The following LYVE1 variants were observed in gnomAD, a reference collection of about 807,000 sequenced individuals.
LYVE1 encodes the protein lymphatic vessel endothelial hyaluronic acid receptor 1.
Under a neutral mutation model 31.5 loss-of-function variants are expected in LYVE1, and 29 were observed. The observed-to-expected ratio is 0.92, with a 90% CI of 0.69 to 1.26. The LOEUF is 1.26. Among genes scored for constraint, LYVE1 ranks in the 50% most tolerant of loss-of-function variants. The probability of loss-of-function intolerance (pLI) is 0.00; values close to 1 mark genes in which losing one functional copy is unlikely to be tolerated. For missense variants in LYVE1, 376 were observed against 380.2 expected, an observed-to-expected ratio of 0.99 and a Z score of 0.09; for synonymous variants, 134 against 139.4, an observed-to-expected ratio of 0.96 and a Z score of 0.27.
intron 3 of LYVE1, among the ~76,000 whole-genome samples, chr11:10,563,438 T>C (rs1850472158): frequency 6.6e-6 from 1 of 152,136 alleles, no homozygotes; most frequent in Non-Finnish European, 1.5e-5. Context: ...CTACATTGTA[T>C]TAGGTATTAT....
At chr11:10,564,445 G>A (rs1267058877) in intron 1 of LYVE1, 71 bp from the exon 2 acceptor site, 2 of 1,446,442 alleles carry the variant, frequency 1.4e-6, no homozygotes, top group Non-Finnish European at 1.9e-6. Flanking sequence ...CTCCTTCCCA[G>A]CAGAGTATAT....
intron 3 of LYVE1, among the ~76,000 whole-genome samples, chr11:10,562,116 G>GT: frequency 6.6e-6 from 1 of 152,202 alleles, no homozygotes; most frequent in East Asian, 1.9e-4. Flanking sequence ...AGAGGGCTGG[G>GT]TATCATCACA....
chr11:10,567,039 A>G (rs1850557268), intron 1 of LYVE1, among the ~76,000 whole-genome samples: 1 of 152,216 alleles, frequency 6.6e-6, no homozygotes, highest in South Asian at 2.1e-4. Context: ...AGGATGTGGA[A>G]TCAGATAATA....
intron 1 of LYVE1, 53 bp downstream of exon 1, chr11:10,568,395 G>A (rs773644435): frequency 6.4e-7 from 1 of 1,573,056 alleles, no homozygotes; most frequent in South Asian, 1.1e-5. Context: ...AACAGCTTAG[G>A]AGGCTTAGGA....
Position 10,560,607 on chromosome 11 carries a change from T to C in LYVE1, c.591A>G (p.Lys197=). The change falls in exon 4 of 6, where the codon AAA becomes AAG. Residue 197 remains lysine (K), a synonymous_variant. Transcript: ENST00000256178. ...AAACTTCTGTGACACAAATCAATTTTTTTCTCCGTGGAATAGAAGTGGAAG... is the reference window on the plus strand; with the variant it reads ...AAACTTCTGTGACACAAATCAATTTCTTTCTCCGTGGAATAGAAGTGGAAG... ...APASTSIPRR[K]KLICVTEVFM... 6.2e-7 allele frequency: 1 copy of C among 1,614,168 alleles called. No homozygotes were observed. The highest frequency in any genetic ancestry group is 8.5e-7 in the Non-Finnish European group (1 of 1,180,012).
At position 10,558,949 on chromosome 11, in the gene LYVE1, G is replaced by T. The variant is rs1591511993; in HGVS notation, c.*162C>A. 6.3e-6 allele frequency: 4 copies of T among 636,194 alleles called. No individual in the cohort carries two copies. The East Asian group carries it at 1.0e-4, about 17-fold the overall frequency. 39.4% of individuals were successfully genotyped at this position (636,194 alleles called of 1,614,324 possible). On this transcript the variant is annotated 3_prime_UTR_variant, in exon 6 of 6. Transcript: ENST00000256178. ...AATAAGGAGAAGGGCATTCTCTTTG[G>T]TGCACTCCATAGTCCAATGGCAGTC... is the stretch of plus-strand genomic sequence containing the variant.
chr11:10,568,465 C>T lies in LYVE1; in HGVS notation c.68G>A (p.Gly23Asp), dbSNP rs370756319. ...SIWTTRLLVQGSLRAEELSIQ... is the reference protein window; with the variant it reads ...SIWTTRLLVQDSLRAEELSIQ... Reference sequence around the variant, plus strand: ...AAACCTACCTTCTGCACGCAAAGAGCCTTGGACCAGGAGCCTCGTGGTCCA... The same window carrying T: ...AAACCTACCTTCTGCACGCAAAGAGTCTTGGACCAGGAGCCTCGTGGTCCA... Residue 23 changes from glycine (G) to aspartate (D), a missense_variant, in exon 1 of 6, where the codon GGC (glycine) becomes GAC (aspartate). Transcript: ENST00000256178. The T allele has an allele frequency of 1.4e-5, 22 of 1,613,796 alleles. No individual in the cohort carries two copies. The highest frequency in any genetic ancestry group is 1.4e-5 in the Non-Finnish European group (17 of 1,179,894).
In LYVE1 at chr11:10,560,700, G is replaced by A. The variant is rs560774853; in HGVS notation, c.498C>T (p.Asp166=). ...ATQTTEFIVS[D]STYSVASPYS... ...AAGGGGATGCCACCGAGTAGGTACT[G>A]TCACTGACAATAAATTCTGTTGTTT... Residue 166 remains aspartate, a synonymous_variant, in exon 4 of 6, where the codon GAC becomes GAT. Transcript: ENST00000256178. The A allele has an allele frequency of 2.5e-5, 40 of 1,613,762 alleles. No homozygotes were observed. The African/African-American group carries it at 4.5e-4, about 18-fold the overall frequency.
intron 1 of LYVE1, 73 bp downstream of exon 1, chr11:10,568,375 A>G (rs537242033): frequency 6.7e-7 from 1 of 1,482,288 alleles, no homozygotes; most frequent in Admixed American, 1.9e-5. Context: ...ATTCCCAGAA[A>G]TCCATAGTCA....
At position 10,564,082 on chromosome 11, in the gene LYVE1, G is replaced by A; in HGVS notation, c.258-3C>T. ...ATCCATCTCCAACCCAGCCATAGCT[G>A]TAAAAGAATACACACTAGTTGAACA... On this transcript the variant is annotated splice_region_variant and splice_polypyrimidine_tract_variant and intron_variant, in intron 2 of 5. Coordinates refer to ENST00000256178, the MANE Select transcript of LYVE1 (RefSeq NM_006691.4). 2.5e-6 allele frequency: 4 copies of A among 1,614,212 alleles called. No homozygotes were observed. The highest frequency in any genetic ancestry group is 2.5e-6 in the Non-Finnish European group (3 of 1,180,036).
chr11:10,558,901 G>C lies in LYVE1; in HGVS notation c.*210C>G, dbSNP rs184099068. The stretch of plus-strand genomic sequence containing the variant: ...GCCGTGGGAAGCTTTGGAGGTAGGA[G>C]GATAGGATCCAGACAGGGTTACAAT... On this transcript the variant is annotated 3_prime_UTR_variant, in exon 6 of 6. Transcript: ENST00000256178. 1.9e-3 allele frequency: 965 copies of C among 506,934 alleles called. 2 individuals are homozygous for C. Among genetic ancestry groups the C allele is most frequent in the Middle Eastern group, 0.015 (30 of 1,998 alleles). The allele number at this position is 506,934 out of a possible 1,614,324, so 31.4% of individuals were successfully genotyped here.
chr11:10,568,613 G>A lies in LYVE1; in HGVS notation c.-81C>T, dbSNP rs1312237262. On this transcript the variant is annotated 5_prime_UTR_variant, in exon 1 of 6. Transcript: ENST00000256178. ...GAGGCAGATGCTCAATAACTAGTCC[G>A]GATGGAGAGTTCTGGAACTATGTTG... is the stretch of plus-strand genomic sequence containing the variant. The A allele has an allele frequency of 1.1e-5, 17 of 1,520,006 alleles. No homozygotes were observed. Among genetic ancestry groups the A allele is most frequent in the South Asian group, 7.4e-5 (6 of 80,716 alleles). 94.2% of individuals were successfully genotyped at this position (1,520,006 alleles called of 1,614,324 possible).
At chr11:10,560,226 C>T (rs547029785) in intron 4 of LYVE1, among the ~76,000 whole-genome samples, 94 of 152,278 alleles carry the variant, frequency 6.2e-4, no homozygotes, top group African/African-American at 2.1e-3. Context: ...TTAAAAAGAA[C>T]TTATGCATAG....
Position 10,561,663 on chromosome 11 carries a change from T to G in LYVE1, c.398-863A>C, listed in dbSNP as rs117091333. On this transcript the variant is annotated intron_variant, in intron 3 of 5. Coordinates refer to ENST00000256178, the MANE Select transcript of LYVE1 (RefSeq NM_006691.4). The stretch of plus-strand genomic sequence containing the variant: ...TCATTGAACAATATTACTAAACCCT[T>G]GTTTACACAGGAGGAAACTGAAGTT... Among the ~76,000 whole-genome samples the G allele has an allele frequency of 9.5e-3, 1,448 of 152,330 alleles. 9 individuals carry two copies. Among genetic ancestry groups the G allele is most frequent in the South Asian group, 0.027 (131 of 4,830 alleles).
intron 1 of LYVE1, among the ~76,000 whole-genome samples, chr11:10,567,664 CA>C (rs962890773): frequency 6.6e-6 from 1 of 152,164 alleles, no homozygotes; most frequent in Non-Finnish European, 1.5e-5. Context: ...TTTGTGGTTA[CA>C]ATTTTTTTGC....
At chr11:10,559,350 A>T (rs750857160) in intron 5 of LYVE1, 53 bp from the exon 6 acceptor site, 53 of 1,489,352 alleles carry the variant, frequency 3.6e-5, no homozygotes, top group Non-Finnish European at 4.7e-5. Context: ...ATAACGATAG[A>T]TAACACTTTT....
rs1178638190 is a variant in LYVE1 at position 10,563,943 on chromosome 11, A to G, written c.394T>C (p.Ser132Pro). ...RQFAAYCYNS[S>P]DTWTNSCIPE... ...AAAGGTTGCAGATCAGACTCACCAG[A>G]TGAGTTGTAACAATAGGCTGCAAAC... is the stretch of plus-strand genomic sequence containing the variant. The change falls in exon 3 of 6, where the codon TCT (serine) becomes CCT (proline). Residue 132 changes from serine (S) to proline (P), a missense_variant. Transcript: ENST00000256178. 6.2e-7 allele frequency: 1 copy of G among 1,614,144 alleles called. No homozygotes were observed. Among genetic ancestry groups the G allele is most frequent in the East Asian group, 2.2e-5 (1 of 44,866 alleles).
Position 10,568,475 on chromosome 11 carries a change from G to T in LYVE1, c.58C>A (p.Leu20Met), listed in dbSNP as rs1850586664. The T allele has an allele frequency of 6.2e-7, 1 of 1,613,910 alleles. No individual in the cohort carries two copies. The highest frequency in any genetic ancestry group is 8.5e-7 in the Non-Finnish European group (1 of 1,179,922). The change falls in exon 1 of 6, where the codon CTG (leucine) becomes ATG (methionine). Residue 20 changes from leucine to methionine, a missense_variant. Transcript: ENST00000256178. ...TCTGCACGCAAAGAGCCTTGGACCA[G>T]GAGCCTCGTGGTCCAGATGGAAGTG... ...LLTSIWTTRL[L>M]VQGSLRAEEL...
intron 1 of LYVE1, among the ~76,000 whole-genome samples, chr11:10,566,411 G>T (rs553801119): frequency 6.6e-6 from 1 of 151,930 alleles, no homozygotes; most frequent in Non-Finnish European, 1.5e-5. Context: ...TGCCCAACCC[G>T]GCCCCCAGTT....
Sources: allele counts gnomAD v4.1 joint callset (sites outside exome capture counted in the v4.1 genomes callset), GRCh38; gene constraint gnomAD v4.1.1; transcripts MANE v1.5; gene names NCBI Gene and HGNC (gene_info 2026-07-23, HGNC 2026-07-21).